DYM: variants seen among roughly 807,000 people sequenced by gnomAD.
DYM encodes the protein dymeclin, also known as dyggve-Melchior-Clausen syndrome protein.
A neutral mutation model predicts 93.1 loss-of-function variants in DYM; 78 were observed. The ratio of observed to expected loss-of-function variants is 0.84; its 90% CI spans 0.70 to 1.01. The LOEUF is 1.01. Ranked by LOEUF, DYM falls within the 50% of genes least tolerant of loss-of-function variation. The probability of loss-of-function intolerance (pLI) is 0.00; values close to 1 mark genes in which losing one functional copy is unlikely to be tolerated. For missense variants in DYM, 789 were observed against 845.0 expected (o/e 0.93, Z 0.82); for synonymous variants, 321 against 319.7 (o/e 1.00, Z -0.04).
chr18:49,152,439 C>G (rs1353024911), intron 15 of DYM, among the ~76,000 whole-genome samples: 1 of 152,110 alleles, frequency 6.6e-6, no homozygotes, highest in Non-Finnish European at 1.5e-5. Context: ...TGTCTTATGT[C>G]AAAGTCAGGC....
At chr18:49,349,763 C>G (rs527408583) in intron 6 of DYM, among the ~76,000 whole-genome samples, 1 of 152,230 alleles carries the variant, frequency 6.6e-6, no homozygotes, top group South Asian at 2.1e-4. Context: ...TGAGACCAGC[C>G]TGGGTAACAT....
At chr18:49,047,111 C>T (rs894374614) in intron 17 of DYM, among the ~76,000 whole-genome samples, 1 of 152,118 alleles carries the variant, frequency 6.6e-6, no homozygotes, top group African/African-American at 2.4e-5. Flanking sequence ...ACACACAGCC[C>T]CCATCTGCTA....
At chr18:49,081,519 A>AGGGAGAGGGGAGAG (rs55920237) in intron 17 of DYM, among the ~76,000 whole-genome samples, 2 of 124,246 alleles carry the variant, frequency 1.6e-5, no homozygotes, top group African/African-American at 7.1e-5. Context: ...GGAGACCGAG[A>AGGGAGAGGGGAGAG]GGGAGAGGGG....
At chr18:49,350,052 TG>T (rs2064973807) in intron 6 of DYM, among the ~76,000 whole-genome samples, 1 of 152,220 alleles carries the variant, frequency 6.6e-6, no homozygotes, top group Admixed American at 6.5e-5. Flanking sequence ...AGGCTTTTGG[TG>T]GGACTATAAT....
At chr18:49,437,515 C>T (rs1482067295) in intron 1 of DYM, among the ~76,000 whole-genome samples, 1 of 152,130 alleles carries the variant, frequency 6.6e-6, no homozygotes, top group African/African-American at 2.4e-5. Context: ...TTACTTATAT[C>T]TTATACTATC....
intron 11 of DYM, among the ~76,000 whole-genome samples, chr18:49,258,843 G>GAGAGAGAGAGAGAGATAGCAC (rs1568120235): frequency 2.0e-4 from 8 of 39,306 alleles, no homozygotes; most frequent in African/African-American, 1.2e-3. Context: ...CACACACAGA[G>GAGAGAGAGAGAGAGATAGCAC]AGAGAGAGAG....
chr18:49,385,602 G>A (rs2068528438), intron 3 of DYM, among the ~76,000 whole-genome samples: 1 of 152,104 alleles, frequency 6.6e-6, no homozygotes, highest in South Asian at 2.1e-4. Flanking sequence ...GGCTGAGACA[G>A]GAGAATTGCT....
intron 15 of DYM, among the ~76,000 whole-genome samples, chr18:49,162,632 G>A (rs1359290442): frequency 6.6e-6 from 1 of 152,190 alleles, no homozygotes; most frequent in Non-Finnish European, 1.5e-5. Flanking sequence ...ACATTCAACC[G>A]TAGCAGTTGG....
At chr18:49,280,591 GA>G in intron 10 of DYM, among the ~76,000 whole-genome samples, 1 of 152,164 alleles carries the variant, frequency 6.6e-6, no homozygotes, top group Non-Finnish European at 1.5e-5. Context: ...AGACTATAAG[GA>G]CAGGGAGGGA....
chr18:49,191,537 C>T (rs189628903), intron 14 of DYM, among the ~76,000 whole-genome samples: 1 of 152,070 alleles, frequency 6.6e-6, no homozygotes, highest in Admixed American at 6.5e-5. Flanking sequence ...AAAACAAGGA[C>T]ATTATTATAT....
chr18:49,143,663 TAA>T (rs2084776523), intron 15 of DYM, among the ~76,000 whole-genome samples: 1 of 152,118 alleles, frequency 6.6e-6, no homozygotes, highest in African/African-American at 2.4e-5. Flanking sequence ...TGTGGTGAAA[TAA>T]ACATAAAATT....
intron 2 of DYM, among the ~76,000 whole-genome samples, chr18:49,428,344 A>G (rs2074492900): frequency 6.6e-6 from 1 of 152,152 alleles, no homozygotes; most frequent in African/African-American, 2.4e-5. Flanking sequence ...CTATTGTTAC[A>G]ATTTCATTTA....
intron 14 of DYM, among the ~76,000 whole-genome samples, chr18:49,172,232 G>GT (rs1347450662): frequency 6.6e-5 from 10 of 152,190 alleles, no homozygotes; most frequent in Admixed American, 2.0e-4. Context: ...TTGCTGAGTA[G>GT]TTTTCCATTG....
chr18:49,328,652 C>CA (rs1250338679), intron 8 of DYM, among the ~76,000 whole-genome samples: 1 of 152,088 alleles, frequency 6.6e-6, no homozygotes, highest in African/African-American at 2.4e-5. Flanking sequence ...TCTCAAAAGA[C>CA]ATTTATGCAG....
At chr18:49,446,170 C>A (rs538488341) in intron 1 of DYM, among the ~76,000 whole-genome samples, 1 of 152,062 alleles carries the variant, frequency 6.6e-6, no homozygotes, top group South Asian at 2.1e-4. Flanking sequence ...GCCTGTAATC[C>A]CAGCACTTTG....
At chr18:49,383,909 A>C (rs1251926898) in intron 3 of DYM, among the ~76,000 whole-genome samples, 2 of 152,170 alleles carry the variant, frequency 1.3e-5, no homozygotes, top group Non-Finnish European at 2.9e-5. Flanking sequence ...ACCTCAGAAG[A>C]AAAGCTAAAT....
chr18:49,127,601 G>A (rs1353816358), intron 15 of DYM, among the ~76,000 whole-genome samples: 1 of 152,186 alleles, frequency 6.6e-6, no homozygotes, highest in Admixed American at 6.5e-5. Context: ...CCAAAAGTGG[G>A]GAGTAGGGGG....
At chr18:49,074,034 T>C (rs1202794213) in intron 17 of DYM, among the ~76,000 whole-genome samples, 4 of 152,220 alleles carry the variant, frequency 2.6e-5, no homozygotes, top group Admixed American at 6.5e-5. Context: ...CGAGTTGTGA[T>C]TCTGATCAGT....
intron 8 of DYM, among the ~76,000 whole-genome samples, chr18:49,323,373 T>C (rs1249583674): frequency 6.6e-6 from 1 of 152,146 alleles, no homozygotes; most frequent in African/African-American, 2.4e-5. Context: ...AAATTGAGAA[T>C]TTCAGTGAGG....
Sources: allele counts gnomAD v4.1 joint callset (sites outside exome capture counted in the v4.1 genomes callset), GRCh38; gene constraint gnomAD v4.1.1; transcripts MANE v1.5; gene names NCBI Gene and HGNC (gene_info 2026-07-23, HGNC 2026-07-21).